Variants in GOLM2 observed in about 807,000 individuals in gnomAD.
The protein encoded by GOLM2 is protein GOLM2.
A neutral mutation model predicts 55.9 loss-of-function variants in GOLM2; 26 were observed. That is an observed-to-expected ratio of 0.47 (90% CI 0.34 to 0.65). GOLM2 has a LOEUF of 0.65. Ranked by LOEUF, GOLM2 falls within the 30% of genes least tolerant of loss-of-function variation. GOLM2 has a pLI of 0.01. For synonymous variants in GOLM2, 165 were observed against 194.6 expected, an observed-to-expected ratio of 0.85 and a Z score of 1.27; for missense variants, 486 against 531.8, an observed-to-expected ratio of 0.91 and a Z score of 0.85.
chr15:44,327,116 A>G (rs1207652014), intron 2 of GOLM2, among the ~76,000 whole-genome samples: 2 of 150,502 alleles, frequency 1.3e-5, no homozygotes, highest in Admixed American at 1.3e-4. Flanking sequence ...ATGCTTAGTT[A>G]ATTTTTGTAT....
At chr15:44,358,190 C>G (rs1326409457) in intron 6 of GOLM2, among the ~76,000 whole-genome samples, 4 of 152,132 alleles carry the variant, frequency 2.6e-5, no homozygotes, top group Admixed American at 2.0e-4. Flanking sequence ...CCTGTCTCTA[C>G]TGAAAATACA....
intron 1 of GOLM2, among the ~76,000 whole-genome samples, chr15:44,295,445 A>G (rs1395801577): frequency 6.6e-6 from 1 of 151,938 alleles, no homozygotes; most frequent in African/African-American, 2.4e-5. Flanking sequence ...GTGAGAAACA[A>G]CCCCCACTTC....
intron 8 of GOLM2, among the ~76,000 whole-genome samples, chr15:44,384,517 C>T (rs978620019): frequency 2.0e-5 from 3 of 151,940 alleles, no homozygotes; most frequent in South Asian, 2.1e-4. Context: ...GAGGCTGAGG[C>T]GGGCAGATCA....
chr15:44,385,299 G>T (rs999806298), intron 8 of GOLM2, among the ~76,000 whole-genome samples: 1 of 151,604 alleles, frequency 6.6e-6, no homozygotes, highest in East Asian at 1.9e-4. Flanking sequence ...CACCAGCAAC[G>T]TATAAGAGTT....
At chr15:44,321,491 G>A (rs11070426) in intron 1 of GOLM2, among the ~76,000 whole-genome samples, 6,967 of 144,682 alleles carry the variant, frequency 0.048, 213 homozygotes, top group East Asian at 0.1. Context: ...AAAAGGGGGG[G>A]TGGGGGGATA....
chr15:44,333,861 A>G (rs1248165088), intron 4 of GOLM2, among the ~76,000 whole-genome samples: 1 of 151,836 alleles, frequency 6.6e-6, no homozygotes, highest in Non-Finnish European at 1.5e-5. Flanking sequence ...GACTACAGGC[A>G]CCTGCCACCA....
At chr15:44,337,021 T>C (rs1433882084) in intron 4 of GOLM2, among the ~76,000 whole-genome samples, 1 of 152,210 alleles carries the variant, frequency 6.6e-6, no homozygotes, top group Non-Finnish European at 1.5e-5. Context: ...TATTTCATAC[T>C]GCATTAGAGT....
At chr15:44,399,401 A>G (rs1056179999) in intron 8 of GOLM2, among the ~76,000 whole-genome samples, 10 of 152,210 alleles carry the variant, frequency 6.6e-5, no homozygotes, top group Non-Finnish European at 1.0e-4. Context: ...AATTCTGTAT[A>G]TATAATAGCA....
At chr15:44,307,936 G>T (rs906396373) in intron 1 of GOLM2, 1 of 152,176 alleles carries the variant, frequency 6.6e-6, no homozygotes, top group Non-Finnish European at 1.5e-5. Context: ...TCAAGCAGTA[G>T]AATAGGAGAG....
chr15:44,368,855 C>A lies in GOLM2; in HGVS notation c.803-10835C>A, dbSNP rs974520009. Reference sequence around the variant, plus strand: ...ATTCCTTTTTTTCTTGATTGTGGGTCATTCTCTGCTTTTTTGTATGTCTAG... The same window carrying A: ...ATTCCTTTTTTTCTTGATTGTGGGTAATTCTCTGCTTTTTTGTATGTCTAG... On this transcript the variant is annotated intron_variant, in intron 6 of 9. Transcript: ENST00000299957. Among the ~76,000 whole-genome samples, 8 of 149,820 alleles carry A rather than the reference C, an allele frequency of 5.3e-5. No individual in the cohort carries two copies. The East Asian group carries it at 9.8e-4, about 18-fold the overall frequency.
intron 4 of GOLM2, among the ~76,000 whole-genome samples, chr15:44,336,793 G>A (rs2079060022): frequency 6.6e-6 from 1 of 152,022 alleles, no homozygotes; most frequent in Non-Finnish European, 1.5e-5. Flanking sequence ...GTGGGCACCT[G>A]TAGTCCCAGT....
At chr15:44,340,414 C>T (rs994922593) in intron 6 of GOLM2, among the ~76,000 whole-genome samples, 2 of 152,192 alleles carry the variant, frequency 1.3e-5, no homozygotes, top group Admixed American at 6.5e-5. Context: ...GCACACACCA[C>T]CACACCTGGC....
intron 1 of GOLM2, among the ~76,000 whole-genome samples, chr15:44,312,979 C>G (rs567002178): frequency 1.3e-5 from 2 of 151,352 alleles, no homozygotes; most frequent in Admixed American, 6.6e-5. Flanking sequence ...CTTGGGAGGC[C>G]GAGACAGGAG....
intron 3 of GOLM2, among the ~76,000 whole-genome samples, chr15:44,330,514 GAAAAAAAAAA>G (rs764271493): frequency 5.5e-5 from 4 of 72,340 alleles, no homozygotes; most frequent in African/African-American, 1.5e-4. Flanking sequence ...ACTCCATCTG[GAAAAAAAAAA>G]AAAAAAAAAA....
intron 6 of GOLM2, among the ~76,000 whole-genome samples, chr15:44,343,830 A>G (rs1313501270): frequency 6.6e-6 from 1 of 151,742 alleles, no homozygotes; most frequent in African/African-American, 2.4e-5. Context: ...TCTCAAAAAA[A>G]AAAAAAAAGA....
chr15:44,362,498 C>A (rs1464851112), intron 6 of GOLM2, among the ~76,000 whole-genome samples: 1 of 151,368 alleles, frequency 6.6e-6, no homozygotes, highest in Non-Finnish European at 1.5e-5. Context: ...ACGTGAAGGA[C>A]CTCTTCAAGG....
chr15:44,323,654 C>T (rs2078965340), intron 2 of GOLM2, among the ~76,000 whole-genome samples: 2 of 151,166 alleles, frequency 1.3e-5, no homozygotes, highest in Admixed American at 6.6e-5. Context: ...GAACAATCCT[C>T]ATCTCCCTCA....
At chr15:44,303,725 CT>C (rs992739475) in intron 1 of GOLM2, among the ~76,000 whole-genome samples, 2 of 150,946 alleles carry the variant, frequency 1.3e-5, no homozygotes, top group African/African-American at 4.9e-5. Flanking sequence ...GCCATCACAC[CT>C]GGCTAATTTT....
chr15:44,406,783 T>C (rs2079599899), intron 9 of GOLM2: 1 of 152,142 alleles, frequency 6.6e-6, no homozygotes, highest in East Asian at 1.9e-4. Context: ...TCTTAAGTTG[T>C]GAGGTCCCTA....
Sources: gnomAD v4.1 joint callset for allele counts (sites outside exome capture counted in the v4.1 genomes callset) on GRCh38, gnomAD v4.1.1 for gene constraint, MANE v1.5 for transcripts, NCBI Gene and HGNC (gene_info 2026-07-23, HGNC 2026-07-21) for gene names.